MARCHF10: variants seen among roughly 807,000 people sequenced by gnomAD.
MARCHF10 encodes probable E3 ubiquitin-protein ligase MARCHF10.
Under a neutral mutation model 76.2 loss-of-function variants are expected in MARCHF10, and 64 were observed. The observed-to-expected ratio is 0.84, with a 90% CI of 0.69 to 1.03. The LOEUF is 1.03. MARCHF10 is among the 50% of genes least tolerant of loss of function. The pLI is 0.00. For synonymous variants in MARCHF10, 340 were observed against 357.5 expected, an observed-to-expected ratio of 0.95 and a Z score of 0.55; for missense variants, 875 against 958.0, an observed-to-expected ratio of 0.91 and a Z score of 1.14.
chr17:62,715,952 C>T (rs2090171901), intron 8 of MARCHF10, among the ~76,000 whole-genome samples: 1 of 152,224 alleles, frequency 6.6e-6, no homozygotes, highest in Admixed American at 6.5e-5. Context: ...GCTGACCCGG[C>T]ACCTAGAGGA....
chr17:62,788,509 G>C lies in MARCHF10; in HGVS notation c.181C>G (p.Arg61Gly), dbSNP rs776276487. 2 of 1,614,064 alleles carry C rather than the reference G, an allele frequency of 1.2e-6. No homozygotes were observed. The highest frequency in any genetic ancestry group is 2.2e-5 in the South Asian group (2 of 91,076). ...TTGGAAGATGACCTGCTAGAAAACC[G>C]GGATCTCTCAAAACTTGTCTCTTGC... ...WGQETSFERS[R>G]FSSRSSSKQS... The change falls in exon 3 of 11, where the codon CGG becomes GGG. Residue 61 changes from arginine to glycine, a missense_variant. Physicochemically the swap from Arg to Gly is moderately radical, Grantham distance 125. Coordinates refer to ENST00000311269, the MANE Select transcript of MARCHF10 (RefSeq NM_152598.4).
chr17:62,702,614 C>T (rs1256438343), intron 10 of MARCHF10, among the ~76,000 whole-genome samples: 3 of 151,754 alleles, frequency 2.0e-5, no homozygotes, highest in South Asian at 2.1e-4. Flanking sequence ...TGCAGTGAGC[C>T]GAGATCGTGC....
intron 3 of MARCHF10, among the ~76,000 whole-genome samples, chr17:62,783,855 C>G (rs1364454271): frequency 6.6e-6 from 1 of 152,184 alleles, no homozygotes; most frequent in Non-Finnish European, 1.5e-5. Flanking sequence ...AGACCAATAA[C>G]AGGCTCTGAA....
At chr17:62,774,250 G>A (rs917046913) in intron 3 of MARCHF10, among the ~76,000 whole-genome samples, 1 of 152,100 alleles carries the variant, frequency 6.6e-6, no homozygotes, top group Non-Finnish European at 1.5e-5. Context: ...AGAGTGGGAC[G>A]GAGGAGGGCA....
chr17:62,781,605 C>A (rs944898431), intron 3 of MARCHF10, among the ~76,000 whole-genome samples: 1 of 152,186 alleles, frequency 6.6e-6, no homozygotes, highest in African/African-American at 2.4e-5. Context: ...TGCTGCATAA[C>A]CAGCAGTTAG....
At chr17:62,766,721 T>G (rs2092340868) in intron 3 of MARCHF10, among the ~76,000 whole-genome samples, 1 of 152,134 alleles carries the variant, frequency 6.6e-6, no homozygotes, top group African/African-American at 2.4e-5. Context: ...ATGAAAATGC[T>G]TCCTATTCGG....
intron 4 of MARCHF10, among the ~76,000 whole-genome samples, chr17:62,749,636 A>C (rs879271367): frequency 5.3e-5 from 8 of 152,232 alleles, no homozygotes; most frequent in Non-Finnish European, 1.0e-4. Context: ...GATCTTAATT[A>C]AAGCTTAATT....
At chr17:62,799,040 C>T (rs548960107) in intron 2 of MARCHF10, among the ~76,000 whole-genome samples, 4 of 152,148 alleles carry the variant, frequency 2.6e-5, no homozygotes, top group Admixed American at 6.5e-5. Flanking sequence ...GTGTGAAACC[C>T]GGCAGGGAGT....
intron 3 of MARCHF10, among the ~76,000 whole-genome samples, chr17:62,769,680 C>T (rs1223007346): frequency 6.6e-6 from 1 of 152,222 alleles, no homozygotes; most frequent in East Asian, 1.9e-4. Context: ...TCCCAAAGTG[C>T]TGGGATTGTA....
intron 1 of MARCHF10, 112 bp from the exon 2 acceptor site, chr17:62,801,864 T>G (rs1486320701): frequency 1.2e-6 from 1 of 812,508 alleles, no homozygotes; most frequent in East Asian, 2.5e-5. Flanking sequence ...TAATTTCCCT[T>G]GTTTGAAAGG....
intron 3 of MARCHF10, among the ~76,000 whole-genome samples, chr17:62,762,166 G>T (rs2092222827): frequency 6.6e-6 from 1 of 152,164 alleles, no homozygotes; most frequent in Non-Finnish European, 1.5e-5. Context: ...GACCTTTATT[G>T]GTTGAGCTGT....
intron 9 of MARCHF10, among the ~76,000 whole-genome samples, chr17:62,710,312 G>A (rs1470036444): frequency 6.6e-6 from 1 of 152,154 alleles, no homozygotes; most frequent in Non-Finnish European, 1.5e-5. Flanking sequence ...ATCATATCCT[G>A]CTTCTGGTAC....
intron 4 of MARCHF10, among the ~76,000 whole-genome samples, chr17:62,750,918 T>C (rs1029243952): frequency 1.3e-4 from 20 of 152,246 alleles, no homozygotes; most frequent in Non-Finnish European, 2.2e-4. Context: ...GGGTCTCACT[T>C]GGGTAAGGCT....
In MARCHF10 at chr17:62,711,999, A is replaced by G. The variant is rs1329682020; in HGVS notation, c.2215-655T>C. ...CTGGTGCTCAGAACAGGCGCTACAC[A>G]GGGAGGATGTGATGGTCTGGCTGCC... is the stretch of plus-strand genomic sequence containing the variant. On this transcript the variant is annotated intron_variant, in intron 8 of 10. Transcript: ENST00000311269. The surrounding 1 kb of genome is among the most constrained non-coding windows in gnomAD (Gnocchi z 4.4). Among the ~76,000 whole-genome samples the G allele has an allele frequency of 1.3e-5, 2 of 152,188 alleles. No homozygotes were observed. The highest frequency in any genetic ancestry group is 6.5e-5 in the Admixed American group (1 of 15,276).
intron 2 of MARCHF10, among the ~76,000 whole-genome samples, chr17:62,797,794 G>C (rs1163781261): frequency 1.3e-5 from 2 of 152,206 alleles, no homozygotes; most frequent in East Asian, 3.8e-4. Flanking sequence ...GGCAGGACTG[G>C]ATGCTAGGAG....
At chr17:62,702,729 T>C (rs779559966) in intron 10 of MARCHF10, among the ~76,000 whole-genome samples, 5 of 152,148 alleles carry the variant, frequency 3.3e-5, no homozygotes, top group Non-Finnish European at 5.9e-5. Flanking sequence ...TGGAAGAAAC[T>C]GTTGCACGGA....
At chr17:62,774,041 G>A (rs534422320) in intron 3 of MARCHF10, among the ~76,000 whole-genome samples, 48 of 152,312 alleles carry the variant, frequency 3.2e-4, no homozygotes, top group South Asian at 2.5e-3. Context: ...ACACGTCAGT[G>A]TGGAGCGGAC....
At chr17:62,742,516 G>C (rs997922680) in intron 5 of MARCHF10, among the ~76,000 whole-genome samples, 16 of 152,030 alleles carry the variant, frequency 1.1e-4, no homozygotes, top group African/African-American at 3.6e-4. Flanking sequence ...AAATAATTTG[G>C]GGAGATAAGG....
intron 1 of MARCHF10, chr17:62,806,763 GACTGAGGGGA>G: frequency 6.6e-6 from 1 of 152,336 alleles, no homozygotes; most frequent in Non-Finnish European, 1.5e-5. Context: ...AAGTTTTCCT[GACTGAGGGGA>G]ACAGAATCTG....
Sources: allele counts gnomAD v4.1 joint callset (sites outside exome capture counted in the v4.1 genomes callset), GRCh38; gene constraint gnomAD v4.1.1; non-coding constraint Gnocchi (gnomAD v3.1); transcripts MANE v1.5; gene names NCBI Gene and HGNC (gene_info 2026-07-23, HGNC 2026-07-21).